DGKG: variants seen among roughly 807,000 people sequenced by gnomAD.
DGKG encodes the protein DAG kinase gamma.
In DGKG, 78 loss-of-function variants were observed where a neutral mutation model predicts 105.3. The ratio of observed to expected loss-of-function variants is 0.74; its 90% CI spans 0.62 to 0.89. The LOEUF (loss-of-function observed/expected upper bound fraction) is 0.89, where lower values mean the gene tolerates loss of function less well. Ranked by LOEUF, DGKG falls within the 40% of genes least tolerant of loss-of-function variation. The probability of loss-of-function intolerance (pLI) is 0.00; values close to 1 mark genes in which losing one functional copy is unlikely to be tolerated. For missense variants in DGKG, 958 were observed against 1,020.1 expected (o/e 0.94, Z 0.83); for synonymous variants, 346 against 367.1 (o/e 0.94, Z 0.66).
intron 22 of DGKG, among the ~76,000 whole-genome samples, chr3:186,165,319 G>C (rs1281881411): frequency 6.6e-6 from 1 of 152,150 alleles, no homozygotes; most frequent in Admixed American, 6.5e-5. Flanking sequence ...TGATGAACCA[G>C]CTATTTCTGA....
chr3:186,286,263 G>A (rs565162252), intron 6 of DGKG, among the ~76,000 whole-genome samples: 38 of 152,262 alleles, frequency 2.5e-4, no homozygotes, highest in African/African-American at 8.2e-4. Flanking sequence ...GGCATGCATC[G>A]TATGCTGCTG....
At chr3:186,175,564 A>C (rs149022455) in intron 22 of DGKG, among the ~76,000 whole-genome samples, 39 of 152,208 alleles carry the variant, frequency 2.6e-4, no homozygotes, top group African/African-American at 9.2e-4. Flanking sequence ...AGTGGCTCTG[A>C]AGCAAGGGTC....
At chr3:186,313,330 A>G (rs1250439849) in intron 2 of DGKG, 1 of 173,868 alleles carries the variant, frequency 5.8e-6, no homozygotes, top group Non-Finnish European at 1.1e-5. Flanking sequence ...TAATAAGAAA[A>G]GACTTTATAT....
At chr3:186,162,267 T>C (rs953831153) in intron 23 of DGKG, among the ~76,000 whole-genome samples, 2 of 152,200 alleles carry the variant, frequency 1.3e-5, no homozygotes, top group African/African-American at 4.8e-5. Context: ...TGAGAAATAC[T>C]GCTGTGGATG....
At chr3:186,190,921 C>A (rs1419139140) in intron 21 of DGKG, among the ~76,000 whole-genome samples, 1 of 152,222 alleles carries the variant, frequency 6.6e-6, no homozygotes, top group African/African-American at 2.4e-5. Flanking sequence ...TATGGCTGCT[C>A]TATCGGAGCT....
chr3:186,150,222 A>G lies in DGKG; in HGVS notation c.2278-34T>C, dbSNP rs1430076554. The G allele has an allele frequency of 2.5e-6, 4 of 1,591,406 alleles. No homozygotes were observed. The African/African-American group carries it at 4.1e-5, about 16-fold the overall frequency. On this transcript the variant is annotated intron_variant, in intron 24 of 24. Transcript: ENST00000265022. ...AAAGAGGCAGAAATGAATTAGTGGCATGCAAATCTCAGTAGCCTAAGGGAG... is the reference window on the plus strand; with the variant it reads ...AAAGAGGCAGAAATGAATTAGTGGCGTGCAAATCTCAGTAGCCTAAGGGAG...
chr3:186,213,201 T>G (rs1719118109), intron 20 of DGKG, among the ~76,000 whole-genome samples: 1 of 152,256 alleles, frequency 6.6e-6, no homozygotes, highest in South Asian at 2.1e-4. Flanking sequence ...CTGGGAATTA[T>G]GCCTCATGAA....
intron 20 of DGKG, among the ~76,000 whole-genome samples, chr3:186,238,708 C>T (rs1194531757): frequency 2.0e-5 from 3 of 152,118 alleles, no homozygotes; most frequent in Non-Finnish European, 4.4e-5. Context: ...CAAAAATAAC[C>T]CCATCTCTGC....
chr3:186,283,640 T>C (rs551615078), intron 7 of DGKG, among the ~76,000 whole-genome samples: 1 of 152,356 alleles, frequency 6.6e-6, no homozygotes, highest in South Asian at 2.1e-4. Context: ...CATGAGGGCA[T>C]GGAACTTTGT....
chr3:186,252,977 A>G, intron 18 of DGKG, 116 bp downstream of exon 18: 1 of 824,532 alleles, frequency 1.2e-6, no homozygotes, highest in Non-Finnish European at 2.0e-6. Flanking sequence ...TGCAGAGTTG[A>G]GTATTATGCT....
intron 21 of DGKG, among the ~76,000 whole-genome samples, chr3:186,197,361 G>A (rs760455500): frequency 1.3e-5 from 2 of 152,052 alleles, no homozygotes; most frequent in Non-Finnish European, 2.9e-5. Flanking sequence ...GATCAGAGCC[G>A]CAGATAGACC....
intron 14 of DGKG, among the ~76,000 whole-genome samples, chr3:186,264,679 C>T (rs1341414138): frequency 6.6e-6 from 1 of 152,176 alleles, no homozygotes; most frequent in African/African-American, 2.4e-5. Context: ...ACTTAAGGCT[C>T]AGAGGCAGAG....
intron 2 of DGKG, among the ~76,000 whole-genome samples, chr3:186,309,821 T>G (rs1356282993): frequency 6.6e-6 from 1 of 152,218 alleles, no homozygotes; most frequent in Non-Finnish European, 1.5e-5. Flanking sequence ...TGCTGCTCTA[T>G]TTTAAAAATC....
Position 186,320,673 on chromosome 3 carries a change from T to C in DGKG, c.-214A>G. 1.7e-6 allele frequency: 1 copy of C among 595,268 alleles called. No individual in the cohort carries two copies. Among genetic ancestry groups the C allele is most frequent in the Non-Finnish European group, 2.6e-6 (1 of 380,344 alleles). 36.9% of individuals were successfully genotyped at this position (595,268 alleles called of 1,614,324 possible). On this transcript the variant is annotated 5_prime_UTR_variant, in exon 2 of 25. Coordinates refer to ENST00000265022, the MANE Select transcript of DGKG (RefSeq NM_001346.3). ...ATTCCTTAGGCAACATCCTCCTGTCTGTATTCAAGGTAAATTCAGAAGTCC... is the reference window on the plus strand; with the variant it reads ...ATTCCTTAGGCAACATCCTCCTGTCCGTATTCAAGGTAAATTCAGAAGTCC...
chr3:186,360,433 G>A (rs934790387), intron 1 of DGKG, among the ~76,000 whole-genome samples: 2 of 152,128 alleles, frequency 1.3e-5, no homozygotes, highest in South Asian at 2.1e-4. Flanking sequence ...GAGTACGACC[G>A]GGAAGTTGGC....
intron 21 of DGKG, chr3:186,207,513 C>T: frequency 1.0e-6 from 1 of 985,264 alleles, no homozygotes; most frequent in East Asian, 1.1e-4. Context: ...AGGCACTTAG[C>T]ACCACTGCCA....
At chr3:186,165,293 T>G (rs1043099335) in intron 22 of DGKG, among the ~76,000 whole-genome samples, 1 of 152,354 alleles carries the variant, frequency 6.6e-6, no homozygotes, top group Middle Eastern at 3.4e-3. Context: ...TCTCTTCAAA[T>G]GTAGAGTGAC....
chr3:186,257,517 C>T (rs183632645), intron 17 of DGKG, among the ~76,000 whole-genome samples: 1 of 152,142 alleles, frequency 6.6e-6, no homozygotes, highest in Non-Finnish European at 1.5e-5. Flanking sequence ...CCTTTACCAA[C>T]CCCAAAGGGT....
In DGKG at chr3:186,361,139, C is replaced by T. The variant is rs1226348847; in HGVS notation, c.-249+807G>A. On this transcript the variant is annotated intron_variant, in intron 1 of 24. Transcript: ENST00000265022. This position sits in a 1 kb window ranked among gnomAD's most constrained non-coding sequence, Gnocchi z 6.8. ...CTGGGAGGTGGTTCTAGCTCTAGTC[C>T]CAAGCTTTCCACTGCAGTGATGGTG... 6.6e-6 allele frequency among the ~76,000 whole-genome samples: 1 copy of T among 152,202 alleles called. No homozygotes were observed. The highest frequency in any genetic ancestry group is 1.5e-5 in the Non-Finnish European group (1 of 68,024).
Sources: allele counts gnomAD v4.1 joint callset (sites outside exome capture counted in the v4.1 genomes callset), GRCh38; gene constraint gnomAD v4.1.1; non-coding constraint Gnocchi (gnomAD v3.1); transcripts MANE v1.5; gene names NCBI Gene and HGNC (gene_info 2026-07-23, HGNC 2026-07-21).